The following KIF20B variants were observed in gnomAD, a reference collection of about 807,000 sequenced individuals.
KIF20B encodes the protein kinesin-like protein KIF20B.
A neutral mutation model predicts 232.5 loss-of-function variants in KIF20B; 188 were observed. The ratio of observed to expected loss-of-function variants is 0.81; its 90% CI spans 0.72 to 0.91. The LOEUF (loss-of-function observed/expected upper bound fraction) is 0.91. Among genes scored for constraint, KIF20B ranks in the 40% least tolerant of loss-of-function variants. KIF20B has a pLI of 0.00. For missense variants in KIF20B, 2,154 were observed against 2,055.9 expected, an observed-to-expected ratio of 1.05 and a Z score of -0.92; for synonymous variants, 712 against 683.0, an observed-to-expected ratio of 1.04 and a Z score of -0.66.
intron 29 of KIF20B, chr10:89,766,388 A>C (rs1842359929): frequency 6.5e-6 from 1 of 152,962 alleles, no homozygotes; most frequent in Non-Finnish European, 1.5e-5. Context: ...TCCGAGCTAC[A>C]GGAGGAAATT....
chr10:89,739,243 G>T, intron 21 of KIF20B, 147 bp downstream of exon 21: 1 of 820,458 alleles, frequency 1.2e-6, no homozygotes, highest in South Asian at 1.9e-5. Context: ...TACTTCACGA[G>T]AGAAAATTTA....
At position 89,726,384 on chromosome 10, in the gene KIF20B, T is replaced by G; in HGVS notation, c.2093T>G (p.Leu698Ter). 1 of 1,572,556 alleles carries G rather than the reference T, an allele frequency of 6.4e-7. No individual in the cohort carries two copies. Reference protein sequence around the residue: ...DIKKQAEIAHLYIASLPDPQE... With the variant: ...DIKKQAEIAH Reference sequence around the variant, plus strand: ...AAGAAACAGGCTGAAATTGCTCACTTATATATTGCATCTCTTCCTGACCCC... The same window carrying G: ...AAGAAACAGGCTGAAATTGCTCACTGATATATTGCATCTCTTCCTGACCCC... Residue 698 changes from leucine to a stop codon, truncating the protein, a stop_gained, in exon 16 of 33, where the codon TTA becomes TGA. Transcript: ENST00000371728. LOFTEE classifies it high-confidence loss of function.
intron 26 of KIF20B, among the ~76,000 whole-genome samples, chr10:89,758,444 T>C (rs960905959): frequency 2.0e-5 from 3 of 152,102 alleles, no homozygotes; most frequent in African/African-American, 7.2e-5. Context: ...TTGAAAGCTA[T>C]AGCTGTAATT....
rs369778385 is a variant in KIF20B at position 89,743,989 on chromosome 10, A to C, written c.4035+62A>C. 130 of 1,401,244 alleles carry C rather than the reference A, an allele frequency of 9.3e-5. 2 individuals carry two copies. The highest frequency in any genetic ancestry group is 7.4e-4 in the East Asian group (28 of 37,622). The allele number at this position is 1,401,244 out of a possible 1,614,324, so 86.8% of individuals were successfully genotyped here. A position where few individuals can be genotyped will look rare whatever the true frequency, so the allele number is the denominator to read the frequency against. On this transcript the variant is annotated intron_variant, in intron 22 of 32. Transcript: ENST00000371728. The stretch of plus-strand genomic sequence containing the variant: ...TTCTCTTGGTATATTTTAGTGTACA[A>C]AAAGGTACAAATTTGTTTTTAATAA...
intron 26 of KIF20B, among the ~76,000 whole-genome samples, chr10:89,755,954 C>T (rs774415588): frequency 2.6e-5 from 4 of 152,028 alleles, no homozygotes; most frequent in Non-Finnish European, 5.9e-5. Flanking sequence ...TTTTTTCTTC[C>T]CTAGCTTTAA....
intron 21 of KIF20B, among the ~76,000 whole-genome samples, chr10:89,741,178 G>A (rs1841786584): frequency 6.6e-6 from 1 of 152,196 alleles, no homozygotes; most frequent in Non-Finnish European, 1.5e-5. Flanking sequence ...TTCTCATAAG[G>A]AATGCACAAC....
Position 89,752,686 on chromosome 10 carries a change from T to A in KIF20B, c.4342T>A (p.Leu1448Ile), listed in dbSNP as rs181525895. Residue 1448 changes from leucine (L) to isoleucine (I), a missense_variant, in exon 25 of 33, where the codon TTA becomes ATA. Transcript: ENST00000371728. ...AAAGCTCACTAATCTTCAAGATGAG[T>A]TACAGGTATGACTTTATGTATGTTT... ...LGKLTNLQDE[L>I]QESEQKYNAD... 1.3e-6 allele frequency: 2 copies of A among 1,566,516 alleles called. No individual in the cohort carries two copies. Among genetic ancestry groups the A allele is most frequent in the East Asian group, 4.8e-5 (2 of 41,956 alleles).
At chr10:89,711,173 A>C in intron 6 of KIF20B, 28 bp downstream of exon 6, 1 of 1,387,116 alleles carries the variant, frequency 7.2e-7, no homozygotes, top group South Asian at 1.5e-5. Context: ...TATGTAAAAT[A>C]TGTATAATTC....
intron 14 of KIF20B, among the ~76,000 whole-genome samples, chr10:89,724,465 G>A (rs934764454): frequency 6.6e-6 from 1 of 152,092 alleles, no homozygotes; most frequent in East Asian, 1.9e-4. Flanking sequence ...GGAGGTGTAG[G>A]TTGCAGTGAG....
At position 89,737,689 on chromosome 10, in the gene KIF20B, C is replaced by T; in HGVS notation, c.2848C>T (p.Gln950Ter). 6.2e-7 allele frequency: 1 copy of T among 1,612,896 alleles called. No individual in the cohort carries two copies. Among genetic ancestry groups the T allele is most frequent in the Non-Finnish European group, 8.5e-7 (1 of 1,179,386 alleles). The change falls in exon 20 of 33, where the codon CAG (glutamine) becomes TAG (stop). Residue 950 changes from glutamine (Q) to a stop codon, truncating the protein, a stop_gained. Coordinates refer to ENST00000371728, the MANE Select transcript of KIF20B (RefSeq NM_001284259.2). LOFTEE classifies it high-confidence loss of function. ...TATTGCAATTGCTGAATTACATGTG[C>T]AGAAAAGTAAAAATCAAGAACAGGA... is the stretch of plus-strand genomic sequence containing the variant. ...YDIAIAELHVQKSKNQEQEEK... is the reference protein window; with the variant it reads ...YDIAIAELHV
At chr10:89,750,791 G>A (rs939020007) in intron 23 of KIF20B, among the ~76,000 whole-genome samples, 3 of 152,042 alleles carry the variant, frequency 2.0e-5, no homozygotes, top group Admixed American at 2.0e-4. Context: ...CTTTTCAAAA[G>A]CCATTTCTGA....
In KIF20B at chr10:89,714,054, T is replaced by G. The variant is rs770921849; in HGVS notation, c.683T>G (p.Val228Gly). 2 of 1,438,942 alleles carry G rather than the reference T, an allele frequency of 1.4e-6. No homozygotes were observed. The highest frequency in any genetic ancestry group is 2.8e-5 in the South Asian group (2 of 70,982). The allele number at this position is 1,438,942 out of a possible 1,614,324, so 89.1% of individuals were successfully genotyped here. Residue 228 changes from valine (V) to glycine (G), a missense_variant, in exon 7 of 33, where the codon GTG (valine) becomes GGG (glycine). Physicochemically the swap from Val to Gly is moderately radical, Grantham distance 109. Coordinates refer to ENST00000371728, the MANE Select transcript of KIF20B (RefSeq NM_001284259.2). ...AAACAATCTTTTTTTTAGGTTACTGTGCATAATGATAGTGATGATACTCTT... is the reference window on the plus strand; with the variant it reads ...AAACAATCTTTTTTTTAGGTTACTGGGCATAATGATAGTGATGATACTCTT... The part of the protein sequence containing the change: ...ALLRQIKEVT[V>G]HNDSDDTLYG...
At chr10:89,760,744 T>G (rs1299104313) in intron 28 of KIF20B, 108 bp downstream of exon 28, 3 of 689,026 alleles carry the variant, frequency 4.4e-6, no homozygotes, top group Non-Finnish European at 5.1e-6. Context: ...ATTAGCTGTG[T>G]GTGCTCTGGG....
At chr10:89,744,984 CT>C (rs1283901436) in intron 22 of KIF20B, among the ~76,000 whole-genome samples, 1 of 152,176 alleles carries the variant, frequency 6.6e-6, no homozygotes, top group Non-Finnish European at 1.5e-5. Context: ...ATAATTTAAT[CT>C]TGCCTCTTAA....
chr10:89,704,747 C>CG (rs1842687952), intron 1 of KIF20B, among the ~76,000 whole-genome samples: 2 of 152,062 alleles, frequency 1.3e-5, no homozygotes, highest in African/African-American at 4.8e-5. Flanking sequence ...TTAGTAGAGA[C>CG]GGGGTTTCAC....
Position 89,772,778 on chromosome 10 carries a change from C to A in KIF20B, c.5332C>A (p.Arg1778=), listed in dbSNP as rs1009246322. The A allele has an allele frequency of 3.7e-6, 6 of 1,610,286 alleles. No homozygotes were observed. In the East Asian group the frequency reaches 1.3e-4, roughly 36 times the overall value. ...ENVSQPKRAK[R]KLYTSEISSP... is the part of the protein sequence containing the mutation. ...TGTGTCTCAACCAAAACGAGCCAAA[C>A]GGAAATTATACACAAGTGAAATTTC... The change falls in exon 32 of 33, where the codon CGG becomes AGG. Residue 1778 remains arginine (R), a synonymous_variant. Coordinates refer to ENST00000371728, the MANE Select transcript of KIF20B (RefSeq NM_001284259.2).
At chr10:89,722,429 G>T (rs963893444) in intron 13 of KIF20B, among the ~76,000 whole-genome samples, 1 of 152,180 alleles carries the variant, frequency 6.6e-6, no homozygotes, top group Non-Finnish European at 1.5e-5. Context: ...CAGCACTTTG[G>T]GAGGCCAAGG....
chr10:89,732,882 T>C (rs775095156), intron 18 of KIF20B, 21 bp from the exon 19 acceptor site: 6 of 1,513,730 alleles, frequency 4.0e-6, no homozygotes, highest in Non-Finnish European at 4.4e-6. Flanking sequence ...TGTGAATTAT[T>C]TTTAACTTAT....
At chr10:89,765,441 G>A (rs933221758) in intron 29 of KIF20B, among the ~76,000 whole-genome samples, 5 of 152,068 alleles carry the variant, frequency 3.3e-5, no homozygotes, top group East Asian at 1.9e-4. Flanking sequence ...AATCAATATC[G>A]TGAAAATGGC....
Sources: gnomAD v4.1 joint callset for allele counts (sites outside exome capture counted in the v4.1 genomes callset) on GRCh38, gnomAD v4.1.1 for gene constraint, MANE v1.5 for transcripts, NCBI Gene and HGNC (gene_info 2026-07-23, HGNC 2026-07-21) for gene names.